The following GALNT1 variants were observed in gnomAD, a reference collection of about 807,000 sequenced individuals.
GALNT1 encodes the protein GalNAc transferase 1.
GALNT1 carries 17 observed loss-of-function variants against 65.7 expected under a neutral mutation model. The ratio of observed to expected loss-of-function variants is 0.26; its 90% CI spans 0.18 to 0.39. The LOEUF is 0.39. GALNT1 is among the 10% of genes least tolerant of loss of function. The probability of loss-of-function intolerance (pLI) is 1.00; values close to 1 mark genes in which losing one functional copy is unlikely to be tolerated. For synonymous variants in GALNT1, 210 were observed against 219.7 expected (o/e 0.96, Z 0.39); for missense variants, 460 against 672.8 (o/e 0.68, Z 3.50).
chr18:35,664,150 C>A (rs2047513645), intron 3 of GALNT1: 1 of 262,240 alleles, frequency 3.8e-6, no homozygotes, highest in African/African-American at 2.3e-5. Context: ...AAGTATACAG[C>A]TCACTGAATT....
chr18:35,621,561 G>A (rs2046852499), intron 1 of GALNT1, among the ~76,000 whole-genome samples: 1 of 151,998 alleles, frequency 6.6e-6, no homozygotes, highest in Non-Finnish European at 1.5e-5. Flanking sequence ...TTATCTGTAT[G>A]TATCTGAATA....
intron 1 of GALNT1, among the ~76,000 whole-genome samples, chr18:35,653,457 G>A (rs1326966082): frequency 6.6e-6 from 1 of 152,196 alleles, no homozygotes; most frequent in African/African-American, 2.4e-5. Context: ...CTTGTAAGAA[G>A]CTGTTATCTT....
chr18:35,604,910 A>C (rs2046627340), intron 1 of GALNT1, among the ~76,000 whole-genome samples: 1 of 152,174 alleles, frequency 6.6e-6, no homozygotes, highest in South Asian at 2.1e-4. Context: ...ACCTGGTTTT[A>C]GTTTCTACTT....
chr18:35,709,832 C>T lies in GALNT1; in HGVS notation c.*62C>T. On this transcript the variant is annotated 3_prime_UTR_variant, in exon 12 of 12. Coordinates refer to ENST00000269195, the MANE Select transcript of GALNT1 (RefSeq NM_020474.4). ...GACTGGGCTACCTCAGCATACATTT[C>T]TGCCACATTCTTAAGTAGCAAAAAA... is the stretch of plus-strand genomic sequence containing the variant. 1.3e-6 allele frequency: 2 copies of T among 1,579,296 alleles called. No homozygotes were observed. Among genetic ancestry groups the T allele is most frequent in the Non-Finnish European group, 1.7e-6 (2 of 1,156,340 alleles).
intron 1 of GALNT1, among the ~76,000 whole-genome samples, chr18:35,582,134 AGTTT>A (rs2046329932): frequency 6.6e-6 from 1 of 152,050 alleles, no homozygotes; most frequent in African/African-American, 2.4e-5. Flanking sequence ...AGAAGACGGA[AGTTT>A]GTTTTATTGA....
At chr18:35,685,413 G>T (rs996989413) in intron 5 of GALNT1, among the ~76,000 whole-genome samples, 2 of 150,460 alleles carry the variant, frequency 1.3e-5, no homozygotes, top group African/African-American at 4.9e-5. Flanking sequence ...AATTTAACAT[G>T]AATTTATTGT....
At chr18:35,707,310 C>G (rs555798708) in intron 11 of GALNT1, among the ~76,000 whole-genome samples, 3 of 152,262 alleles carry the variant, frequency 2.0e-5, no homozygotes, top group Non-Finnish European at 2.9e-5. Context: ...AGCTTTTATC[C>G]TCTCCTTCAA....
At chr18:35,645,661 T>C (rs2047221810) in intron 1 of GALNT1, among the ~76,000 whole-genome samples, 1 of 152,244 alleles carries the variant, frequency 6.6e-6, no homozygotes, top group African/African-American at 2.4e-5. Flanking sequence ...GATTCTTAAA[T>C]AATTTCTATG....
intron 2 of GALNT1, among the ~76,000 whole-genome samples, chr18:35,659,422 T>C (rs1356399636): frequency 6.6e-6 from 1 of 152,222 alleles, no homozygotes; most frequent in Non-Finnish European, 1.5e-5. Context: ...TCTATACTTG[T>C]ATTTTATACC....
intron 1 of GALNT1, among the ~76,000 whole-genome samples, chr18:35,615,411 T>TA (rs34144938): frequency 6.6e-6 from 1 of 152,126 alleles, no homozygotes; most frequent in Non-Finnish European, 1.5e-5. Flanking sequence ...AACACTGTAT[T>TA]AAAAAAAGCA....
chr18:35,695,303 T>C (rs553442781), intron 9 of GALNT1, among the ~76,000 whole-genome samples: 1 of 152,082 alleles, frequency 6.6e-6, no homozygotes, highest in South Asian at 2.1e-4. Flanking sequence ...TCATCTCTTA[T>C]CATGGGGAGG....
intron 1 of GALNT1, among the ~76,000 whole-genome samples, chr18:35,632,198 A>G (rs970790207): frequency 2.0e-5 from 3 of 152,210 alleles, no homozygotes; most frequent in Non-Finnish European, 4.4e-5. Flanking sequence ...GGAAAAAACT[A>G]CTTTAAAGTT....
At chr18:35,648,992 T>A (rs1192252370) in intron 1 of GALNT1, among the ~76,000 whole-genome samples, 1 of 152,230 alleles carries the variant, frequency 6.6e-6, no homozygotes, top group Non-Finnish European at 1.5e-5. Context: ...ATTCATCAGA[T>A]GATTGACATT....
rs1361958713 is a variant in GALNT1 at position 35,709,483 on chromosome 18, C to T, written c.1534-141C>T. On this transcript the variant is annotated intron_variant, in intron 11 of 11. Coordinates refer to ENST00000269195, the MANE Select transcript of GALNT1 (RefSeq NM_020474.4). ...CTCTGTTTCTCCATCCATCCACCTA[C>T]CTACCTTTTCTCCGTTGTCTTTTAA... 3 of 721,796 alleles carry T rather than the reference C, an allele frequency of 4.2e-6. No homozygotes were observed. In the African/African-American group the frequency reaches 5.4e-5, roughly 13 times the overall value. 44.7% of individuals were successfully genotyped at this position (721,796 alleles called of 1,614,324 possible). A position where few individuals can be genotyped will look rare whatever the true frequency, so the allele number is the denominator to read the frequency against.
chr18:35,661,583 G>T (rs1373675866), intron 2 of GALNT1, among the ~76,000 whole-genome samples: 1 of 151,374 alleles, frequency 6.6e-6, no homozygotes, highest in Non-Finnish European at 1.5e-5. Flanking sequence ...GGCTAGTTTT[G>T]TGGCATGGAT....
chr18:35,698,112 A>T (rs1363799422), intron 9 of GALNT1, among the ~76,000 whole-genome samples: 4 of 152,204 alleles, frequency 2.6e-5, no homozygotes, highest in African/African-American at 9.6e-5. Context: ...AAATGGTGGA[A>T]GATTTTCTCC....
chr18:35,662,818 T>C (rs1194745878), intron 2 of GALNT1, among the ~76,000 whole-genome samples: 1 of 152,200 alleles, frequency 6.6e-6, no homozygotes, highest in Non-Finnish European at 1.5e-5. Context: ...TGGACATTTA[T>C]TAACGTCTCA....
intron 9 of GALNT1, among the ~76,000 whole-genome samples, chr18:35,694,803 G>A (rs1233952961): frequency 3.9e-5 from 6 of 152,138 alleles, no homozygotes; most frequent in East Asian, 1.9e-4. Flanking sequence ...GCTATAAATC[G>A]TGATACAACG....
chr18:35,662,001 A>G (rs562741256), intron 2 of GALNT1, among the ~76,000 whole-genome samples: 7 of 152,198 alleles, frequency 4.6e-5, no homozygotes, highest in Non-Finnish European at 8.8e-5. Context: ...CACCTTCAGA[A>G]CTCTGCCGGT....
Sources: gnomAD v4.1 joint callset for allele counts (sites outside exome capture counted in the v4.1 genomes callset) on GRCh38, gnomAD v4.1.1 for gene constraint, MANE v1.5 for transcripts, NCBI Gene and HGNC (gene_info 2026-07-23, HGNC 2026-07-21) for gene names.